The following FHIT variants were observed in gnomAD, a reference collection of about 807,000 sequenced individuals.
The protein encoded by FHIT is bis(5'-adenosyl)-triphosphatase.
In FHIT, 19 loss-of-function variants were observed where a neutral mutation model predicts 17.9. That is an observed-to-expected ratio of 1.06 (90% CI 0.74 to 1.56). The LOEUF (loss-of-function observed/expected upper bound fraction) is 1.56. Among genes scored for constraint, FHIT ranks in the 40% most tolerant of loss-of-function variants. FHIT has a pLI of 0.00. For synonymous variants in FHIT, 81 were observed against 69.7 expected (o/e 1.16, Z -0.81); for missense variants, 248 against 189.2 (o/e 1.31, Z -1.82).
At chr3:60,484,618 T>C (rs1158812724) in intron 5 of FHIT, among the ~76,000 whole-genome samples, 1 of 152,222 alleles carries the variant, frequency 6.6e-6, no homozygotes, top group South Asian at 2.1e-4. Flanking sequence ...GCTAGCCATA[T>C]GCAGAAAACT....
At chr3:61,036,982 G>A (rs1048911384) in intron 3 of FHIT, among the ~76,000 whole-genome samples, 10 of 147,046 alleles carry the variant, frequency 6.8e-5, no homozygotes, top group South Asian at 2.2e-4. Flanking sequence ...CACTATCTCC[G>A]CTCACTGCAA....
At chr3:60,096,764 T>C (rs2107120765) in intron 5 of FHIT, among the ~76,000 whole-genome samples, 1 of 152,132 alleles carries the variant, frequency 6.6e-6, no homozygotes, top group Admixed American at 6.5e-5. Flanking sequence ...GCTGGCTAAA[T>C]ACAGAGCAGA....
intron 2 of FHIT, among the ~76,000 whole-genome samples, chr3:61,072,273 C>A (rs1476021206): frequency 6.6e-6 from 1 of 152,140 alleles, no homozygotes; most frequent in Non-Finnish European, 1.5e-5. Flanking sequence ...TGCCCACAAC[C>A]TATACCCAGG....
At chr3:60,291,538 T>C (rs1212093453) in intron 5 of FHIT, among the ~76,000 whole-genome samples, 1 of 152,140 alleles carries the variant, frequency 6.6e-6, no homozygotes, top group Non-Finnish European at 1.5e-5. Context: ...GCTGCCAGCA[T>C]TCCCCTGTGC....
chr3:60,493,594 TTTC>T (rs1249504491), intron 5 of FHIT, among the ~76,000 whole-genome samples: 1 of 152,210 alleles, frequency 6.6e-6, no homozygotes, highest in Admixed American at 6.5e-5. Context: ...ATGATATTAA[TTTC>T]AGTTTAATGC....
At chr3:60,381,886 T>G (rs1700814207) in intron 5 of FHIT, among the ~76,000 whole-genome samples, 1 of 152,166 alleles carries the variant, frequency 6.6e-6, no homozygotes, top group South Asian at 2.1e-4. Context: ...CAAACATGTG[T>G]CTCAGAAAAT....
intron 8 of FHIT, among the ~76,000 whole-genome samples, chr3:59,857,262 CTG>C (rs778857101): frequency 7.9e-5 from 12 of 152,178 alleles, no homozygotes; most frequent in Admixed American, 3.9e-4. Flanking sequence ...GAGCGATACA[CTG>C]TCATTTCTCC....
At chr3:60,323,702 T>C (rs1451936284) in intron 5 of FHIT, among the ~76,000 whole-genome samples, 1 of 152,184 alleles carries the variant, frequency 6.6e-6, no homozygotes, top group Non-Finnish European at 1.5e-5. Context: ...CTTAAATTAC[T>C]TTGACTTAAA....
At chr3:60,267,639 G>T (rs1380934132) in intron 5 of FHIT, among the ~76,000 whole-genome samples, 1 of 151,932 alleles carries the variant, frequency 6.6e-6, no homozygotes, top group Non-Finnish European at 1.5e-5. Context: ...ACATATGACC[G>T]TTCTTCCACA....
chr3:59,869,270 G>C (rs912040184), intron 8 of FHIT, among the ~76,000 whole-genome samples: 1 of 152,038 alleles, frequency 6.6e-6, no homozygotes, highest in Non-Finnish European at 1.5e-5. Context: ...CTTTCTACCA[G>C]ATGAGCCAAG....
intron 3 of FHIT, among the ~76,000 whole-genome samples, chr3:60,854,644 T>A (rs2046682724): frequency 6.6e-6 from 1 of 150,868 alleles, no homozygotes; most frequent in Non-Finnish European, 1.5e-5. Context: ...GTTTGACACA[T>A]TCTCCCTAGG....
At chr3:60,081,489 C>T (rs1045521541) in intron 5 of FHIT, among the ~76,000 whole-genome samples, 6 of 152,110 alleles carry the variant, frequency 3.9e-5, no homozygotes, top group African/African-American at 1.4e-4. Flanking sequence ...ACTCAATCTA[C>T]TGCTCCTCAT....
At chr3:60,816,047 T>C (rs1701728957) in intron 4 of FHIT, among the ~76,000 whole-genome samples, 1 of 152,024 alleles carries the variant, frequency 6.6e-6, no homozygotes, top group Admixed American at 6.6e-5. Flanking sequence ...AAGTTGAACA[T>C]TATTGGTGTA....
At chr3:60,651,513 A>T (rs949829913) in intron 4 of FHIT, among the ~76,000 whole-genome samples, 1 of 151,906 alleles carries the variant, frequency 6.6e-6, no homozygotes, top group Non-Finnish European at 1.5e-5. Flanking sequence ...TTACTGAGAA[A>T]AAAGGAAAGC....
In FHIT at chr3:60,894,638, G is replaced by A. The variant is rs543550888; in HGVS notation, c.-110-72627C>T. 3.9e-4 allele frequency among the ~76,000 whole-genome samples: 59 copies of A among 151,404 alleles called. 1 individual carries two copies. Among genetic ancestry groups the A allele is most frequent in the African/African-American group, 1.3e-3 (54 of 41,192 alleles). ...CTTGATATTCAAAGCTCTGGGGCTCGGCAAAAAATTCAAAGAGCTTTTAGT... is the reference window on the plus strand; with the variant it reads ...CTTGATATTCAAAGCTCTGGGGCTCAGCAAAAAATTCAAAGAGCTTTTAGT... On this transcript the variant is annotated intron_variant, in intron 3 of 9. Transcript: ENST00000492590.
chr3:60,549,138 C>T (rs1368236756), intron 4 of FHIT, among the ~76,000 whole-genome samples: 2 of 152,154 alleles, frequency 1.3e-5, no homozygotes, highest in African/African-American at 4.8e-5. Context: ...TAATTGTCAA[C>T]TCATACATAA....
intron 3 of FHIT, among the ~76,000 whole-genome samples, chr3:60,878,182 G>T (rs1228132138): frequency 3.3e-5 from 5 of 151,972 alleles, no homozygotes; most frequent in African/African-American, 1.2e-4. Context: ...GCTGGTAGGG[G>T]CTGCCTAACA....
chr3:60,722,542 G>A (rs2041829366), intron 4 of FHIT, among the ~76,000 whole-genome samples: 1 of 152,076 alleles, frequency 6.6e-6, no homozygotes, highest in Non-Finnish European at 1.5e-5. Context: ...TTGCTGTGAA[G>A]TGCTATCCTG....
intron 5 of FHIT, among the ~76,000 whole-genome samples, chr3:60,529,498 T>C (rs1395641156): frequency 6.6e-6 from 1 of 152,132 alleles, no homozygotes; most frequent in Non-Finnish European, 1.5e-5. Context: ...TCTGCATTAT[T>C]TGAGTTAATT....
Sources: allele counts gnomAD v4.1 joint callset (sites outside exome capture counted in the v4.1 genomes callset), GRCh38; gene constraint gnomAD v4.1.1; transcripts MANE v1.5; gene names NCBI Gene and HGNC (gene_info 2026-07-23, HGNC 2026-07-21).